The following PLSCR2 variants were observed in gnomAD, a reference collection of about 807,000 sequenced individuals.
The protein encoded by PLSCR2 is phospholipid scramblase 2, also known as PL scramblase 2.
A neutral mutation model predicts 25.3 loss-of-function variants in PLSCR2; 18 were observed. The observed-to-expected ratio is 0.71, with a 90% CI of 0.49 to 1.06. PLSCR2 has a LOEUF of 1.06. Among genes scored for constraint, PLSCR2 ranks in the 50% least tolerant of loss-of-function variants. The pLI, the probability that PLSCR2 is intolerant of heterozygous loss-of-function variation, is 0.00. For missense variants in PLSCR2, 243 were observed against 269.5 expected, an observed-to-expected ratio of 0.90 and a Z score of 0.69; for synonymous variants, 88 against 87.3, an observed-to-expected ratio of 1.01 and a Z score of -0.04.
At chr3:146,449,333 C>G in exon 6 of PLSCR2, 1 of 1,603,120 alleles carries the variant, frequency 6.2e-7, no homozygotes, top group Non-Finnish European at 8.5e-7. Flanking sequence ...CTTAGAAATC[C>G]TGCCAACCAC....
rs568668505 is a variant in PLSCR2 at position 146,395,189 on chromosome 3, G to A, written c.*145+571C>T. On this transcript the variant is annotated intron_variant and NMD_transcript_variant, in intron 3 of 3. Coordinates refer to the PLSCR2 transcript ENST00000463633. ...TCATCTAAAGTTCAATAAAATTTAA[G>A]AGCAAATAAAACGCTAAACATATCT... Among the ~76,000 whole-genome samples the A allele has an allele frequency of 1.7e-4, 26 of 152,084 alleles. 1 individual carries two copies. The South Asian group carries it at 5.4e-3, about 32-fold the overall frequency.
At chr3:146,457,050 C>A (rs1305879786) in intron 3 of PLSCR2, among the ~76,000 whole-genome samples, 1 of 151,906 alleles carries the variant, frequency 6.6e-6, no homozygotes, top group African/African-American at 2.4e-5. Context: ...GTGCTCCTTT[C>A]CAGAGCAAAC....
intron 2 of PLSCR2, among the ~76,000 whole-genome samples, chr3:146,427,140 A>G (rs2039385321): frequency 6.6e-6 from 1 of 152,206 alleles, no homozygotes; most frequent in Non-Finnish European, 1.5e-5. Context: ...AACTTTCAAG[A>G]TTTACAATAC....
intron 2 of PLSCR2, among the ~76,000 whole-genome samples, chr3:146,416,353 A>G (rs2039006926): frequency 6.6e-6 from 1 of 152,170 alleles, no homozygotes; most frequent in Admixed American, 6.5e-5. Flanking sequence ...TCAAAAATAA[A>G]AATTTAAATA....
At chr3:146,395,201 C>T (rs1034682257) in intron 3 of PLSCR2, among the ~76,000 whole-genome samples, 7 of 152,086 alleles carry the variant, frequency 4.6e-5, no homozygotes, top group South Asian at 2.1e-4. Context: ...GCAAATAAAA[C>T]GCTAAACATA....
At chr3:146,478,717 A>C (rs181348417) in intron 1 of PLSCR2, among the ~76,000 whole-genome samples, 2 of 152,200 alleles carry the variant, frequency 1.3e-5, no homozygotes, top group Non-Finnish European at 2.9e-5. Flanking sequence ...AGGCAGGCCA[A>C]TGTTCAAATT....
At chr3:146,464,747 A>G (rs1035474421), upstream of PLSCR2, among the ~76,000 whole-genome samples, 3 of 152,180 alleles carry the variant, frequency 2.0e-5, no homozygotes, top group Admixed American at 1.3e-4. Context: ...CTATATACAC[A>G]TTAGTACATC....
chr3:146,442,025 CTATT>C (rs1172136416), intron 6 of PLSCR2, among the ~76,000 whole-genome samples: 4 of 151,980 alleles, frequency 2.6e-5, no homozygotes, highest in Non-Finnish European at 5.9e-5. Flanking sequence ...TCCTATAATC[CTATT>C]TATTTATTGA....
intron 5 of PLSCR2, among the ~76,000 whole-genome samples, chr3:146,452,981 C>CAT (rs1419710235): frequency 6.6e-6 from 1 of 151,700 alleles, no homozygotes; most frequent in East Asian, 1.9e-4. Context: ...ATTTCATATA[C>CAT]ATATATATGT....
At chr3:146,495,505 G>C (rs2043714251) in intron 1 of PLSCR2, among the ~76,000 whole-genome samples, 1 of 152,120 alleles carries the variant, frequency 6.6e-6, no homozygotes, top group Non-Finnish European at 1.5e-5. Context: ...AAGATGATTA[G>C]GCCACAAGGG....
intron 1 of PLSCR2, among the ~76,000 whole-genome samples, chr3:146,476,747 A>G (rs555719303): frequency 6.6e-6 from 1 of 152,352 alleles, no homozygotes; most frequent in Non-Finnish European, 1.5e-5. Flanking sequence ...GATCACGACC[A>G]GACTGCCTCT....
chr3:146,460,051 G>A, exon 2 of PLSCR2: 2 of 1,574,058 alleles, frequency 1.3e-6, no homozygotes, highest in African/African-American at 1.4e-5. Context: ...TGTCCAGCCT[G>A]GTGCTTAGGG....
At chr3:146,428,680 T>G (rs2039437031), downstream of PLSCR2, among the ~76,000 whole-genome samples, 1 of 152,178 alleles carries the variant, frequency 6.6e-6, no homozygotes, top group Non-Finnish European at 1.5e-5. Context: ...CAATGGCTTC[T>G]GCATTTTGAT....
intron 1 of PLSCR2, among the ~76,000 whole-genome samples, chr3:146,495,227 A>G (rs1328279944): frequency 3.9e-5 from 6 of 152,206 alleles, no homozygotes; most frequent in African/African-American, 1.4e-4. Context: ...TCTTCTCTCT[A>G]GAGAAGAACA....
chr3:146,461,749 G>T (rs6440440), upstream of PLSCR2: 48,670 of 694,816 alleles, frequency 0.07, 2,346 homozygotes, highest in African/African-American at 0.18. Flanking sequence ...ATGCATGGTT[G>T]TCACCAAAGC....
chr3:146,430,339 A>G (rs1220477227), downstream of PLSCR2, among the ~76,000 whole-genome samples: 1 of 152,294 alleles, frequency 6.6e-6, no homozygotes, highest in Admixed American at 6.5e-5. Context: ...GGAGAAACAC[A>G]GGGCTTGAAA....
At chr3:146,454,032 C>G in exon 5 of PLSCR2, 1 of 1,600,918 alleles carries the variant, frequency 6.2e-7, no homozygotes, top group Non-Finnish European at 8.5e-7. Flanking sequence ...TACAGCTGCA[C>G]ACGATACATG....
At chr3:146,495,368 T>C (rs1202294718) in intron 1 of PLSCR2, among the ~76,000 whole-genome samples, 5 of 152,170 alleles carry the variant, frequency 3.3e-5, no homozygotes, top group Admixed American at 3.3e-4. Flanking sequence ...TGGGCAACAA[T>C]GAAGCATCAG....
At chr3:146,469,250 C>T (rs1393976098) in intron 1 of PLSCR2, 1 of 985,496 alleles carries the variant, frequency 1.0e-6, no homozygotes, top group Admixed American at 6.1e-5. Context: ...AGCTGAGCCC[C>T]GCAAGGCGTT....
Sources: allele counts gnomAD v4.1 joint callset (sites outside exome capture counted in the v4.1 genomes callset), GRCh38; gene constraint gnomAD v4.1.1; transcripts MANE v1.5; gene names NCBI Gene and HGNC (gene_info 2026-07-23, HGNC 2026-07-21).